The following CRPPA variants were observed in gnomAD, a reference collection of about 807,000 sequenced individuals.
The protein encoded by CRPPA is D-ribitol-5-phosphate cytidylyltransferase.
A neutral mutation model predicts 52.0 loss-of-function variants in CRPPA; 43 were observed. The ratio of observed to expected loss-of-function variants is 0.83; its 90% confidence interval spans 0.65 to 1.07. CRPPA has a LOEUF of 1.07. CRPPA is among the 50% of genes least tolerant of loss of function. The probability of loss-of-function intolerance (pLI) is 0.00; values close to 1 mark genes in which losing one functional copy is unlikely to be tolerated. For synonymous variants in CRPPA, 250 were observed against 203.5 expected (o/e 1.23, Z -1.94); for missense variants, 629 against 551.7 (o/e 1.14, Z -1.40).
chr7:16,381,411 C>G (rs11098099), intron 2 of CRPPA, among the ~76,000 whole-genome samples: 16 of 149,902 alleles, frequency 1.1e-4, no homozygotes, highest in South Asian at 4.2e-4. Flanking sequence ...TTACTTCCAA[C>G]TATGTGGTCA....
At chr7:16,125,710 G>C (rs1782565305) in intron 9 of CRPPA, among the ~76,000 whole-genome samples, 1 of 151,960 alleles carries the variant, frequency 6.6e-6, no homozygotes, top group African/African-American at 2.4e-5. Flanking sequence ...TTGTCTAATG[G>C]GTGATGAGTT....
intron 4 of CRPPA, 102 bp downstream of exon 4, chr7:16,308,421 C>A (rs1784961475): frequency 4.5e-6 from 3 of 661,552 alleles, no homozygotes; most frequent in South Asian, 1.8e-5. Context: ...ACCCGTGAGA[C>A]TCCCTTAACT....
chr7:16,179,340 T>C (rs1403634745), intron 9 of CRPPA, among the ~76,000 whole-genome samples: 2 of 152,164 alleles, frequency 1.3e-5, no homozygotes, highest in African/African-American at 4.8e-5. Flanking sequence ...TCTTAAATTC[T>C]AGAATCCATG....
At chr7:16,248,703 G>C (rs1308492459) in intron 8 of CRPPA, among the ~76,000 whole-genome samples, 1 of 152,190 alleles carries the variant, frequency 6.6e-6, no homozygotes, top group African/African-American at 2.4e-5. Flanking sequence ...TCATCTCATT[G>C]GGACTGGTTG....
At chr7:16,153,891 T>C (rs1783124026) in intron 9 of CRPPA, among the ~76,000 whole-genome samples, 2 of 152,054 alleles carry the variant, frequency 1.3e-5, no homozygotes, top group African/African-American at 2.4e-5. Flanking sequence ...TATTTTAATT[T>C]TTTAATGAAA....
chr7:16,364,348 C>T (rs1786533658), intron 3 of CRPPA, among the ~76,000 whole-genome samples: 1 of 152,146 alleles, frequency 6.6e-6, no homozygotes, highest in Non-Finnish European at 1.5e-5. Context: ...AAAGTCAAAA[C>T]ATTCTAGCAT....
chr7:16,092,587 C>A (rs1296765990), intron 9 of CRPPA, among the ~76,000 whole-genome samples: 1 of 152,228 alleles, frequency 6.6e-6, no homozygotes, highest in Admixed American at 6.5e-5. Flanking sequence ...CAAACTGCCA[C>A]TGCCAGCATA....
At chr7:16,342,162 T>C (rs1423768247) in intron 3 of CRPPA, among the ~76,000 whole-genome samples, 1 of 152,180 alleles carries the variant, frequency 6.6e-6, no homozygotes, top group Non-Finnish European at 1.5e-5. Context: ...CAAGTGACCC[T>C]CTGATTATGT....
At chr7:16,329,539 A>G (rs1446359737) in intron 3 of CRPPA, among the ~76,000 whole-genome samples, 1 of 152,142 alleles carries the variant, frequency 6.6e-6, no homozygotes, top group Non-Finnish European at 1.5e-5. Flanking sequence ...TATTTGACTA[A>G]GAAACACAAT....
chr7:16,344,405 C>CA (rs35320924), intron 3 of CRPPA, among the ~76,000 whole-genome samples: 5,019 of 99,304 alleles, frequency 0.051, 367 homozygotes, highest in African/African-American at 0.16. Flanking sequence ...TATCTCTACC[C>CA]AAAAAAAAAA....
chr7:16,389,928 A>AAAAATAT, intron 2 of CRPPA, among the ~76,000 whole-genome samples: 1 of 29,760 alleles, frequency 3.4e-5, no homozygotes, highest in African/African-American at 1.7e-4. Context: ...AAAAAAAAAA[A>AAAAATAT]ATATATATAT....
At chr7:16,202,721 A>G (rs990417462) in intron 9 of CRPPA, among the ~76,000 whole-genome samples, 12 of 152,226 alleles carry the variant, frequency 7.9e-5, no homozygotes, top group African/African-American at 2.9e-4. Context: ...ATCTGGAAAG[A>G]CACGAATGTG....
intron 9 of CRPPA, among the ~76,000 whole-genome samples, chr7:16,107,971 T>C (rs936177826): frequency 2.0e-5 from 3 of 152,000 alleles, no homozygotes; most frequent in African/African-American, 2.4e-5. Context: ...ATAAGCCTCA[T>C]GGTAACCACA....
chr7:16,140,748 G>C (rs1782853979), intron 9 of CRPPA, among the ~76,000 whole-genome samples: 1 of 152,140 alleles, frequency 6.6e-6, no homozygotes, highest in African/African-American at 2.4e-5. Context: ...AGCATCTCCT[G>C]TATATCTTTT....
At chr7:16,372,051 T>G (rs945462401) in intron 3 of CRPPA, among the ~76,000 whole-genome samples, 1 of 151,970 alleles carries the variant, frequency 6.6e-6, no homozygotes, top group Non-Finnish European at 1.5e-5. Flanking sequence ...CTCCAAGAAA[T>G]ATTGGATTAC....
At chr7:16,119,229 A>G (rs1782435788) in intron 9 of CRPPA, among the ~76,000 whole-genome samples, 1 of 152,162 alleles carries the variant, frequency 6.6e-6, no homozygotes. Context: ...ATGGTAAGAC[A>G]AGGACTGTGC....
chr7:16,230,747 G>A (rs1006805653), intron 8 of CRPPA, among the ~76,000 whole-genome samples: 1 of 152,148 alleles, frequency 6.6e-6, no homozygotes, highest in African/African-American at 2.4e-5. Context: ...ATTTGAAGAA[G>A]TAGATACTTA....
At chr7:16,261,957 G>C (rs973069900) in intron 6 of CRPPA, 2 of 151,964 alleles carry the variant, frequency 1.3e-5, no homozygotes, top group African/African-American at 4.8e-5. Flanking sequence ...TCGGATGTTT[G>C]TAGATAATCC....
intron 3 of CRPPA, among the ~76,000 whole-genome samples, chr7:16,347,619 C>T (rs1281704396): frequency 6.6e-6 from 1 of 152,126 alleles, no homozygotes; most frequent in Non-Finnish European, 1.5e-5. Context: ...AGTGAATAGA[C>T]ATCTACTCAC....
Sources: gnomAD v4.1 joint callset for allele counts (sites outside exome capture counted in the v4.1 genomes callset) on GRCh38, gnomAD v4.1.1 for gene constraint, MANE v1.5 for transcripts, NCBI Gene and HGNC (gene_info 2026-07-23, HGNC 2026-07-21) for gene names.